The following BPNT1 variants were observed in gnomAD, a reference collection of about 807,000 sequenced individuals.
BPNT1 encodes 3'(2'),5'-bisphosphate nucleotidase 1.
BPNT1 carries 28 observed loss-of-function variants against 36.9 expected under a neutral mutation model. The observed-to-expected ratio is 0.76, with a 90% confidence interval of 0.56 to 1.04. BPNT1 has a LOEUF of 1.04. BPNT1 is among the 50% of genes least tolerant of loss of function. The pLI is 0.00. For synonymous variants in BPNT1, 119 were observed against 130.9 expected (o/e 0.91, Z 0.62); for missense variants, 313 against 372.9 (o/e 0.84, Z 1.32).
At chr1:220,086,332 C>G (rs1224120292) in intron 1 of BPNT1, among the ~76,000 whole-genome samples, 1 of 152,088 alleles carries the variant, frequency 6.6e-6, no homozygotes, top group Non-Finnish European at 1.5e-5. Flanking sequence ...GTGCGGTGGC[C>G]TGATATCGGC....
In BPNT1 at chr1:220,058,532, T is replaced by C. The variant is rs1165071843; in HGVS notation, c.*312A>G. ...GAAACTTTAAGTACTTTTTGGGTTT[T>C]TGTTTTTTTTTTTTCTGAGACAGGG... On this transcript the variant is annotated 3_prime_UTR_variant, in exon 9 of 9. Coordinates refer to ENST00000322067, the MANE Select transcript of BPNT1 (RefSeq NM_006085.6). 1.0e-6 allele frequency: 1 copy of C among 999,686 alleles called. No homozygotes were observed. The highest frequency in any genetic ancestry group is 1.7e-5 in the African/African-American group (1 of 58,214). The allele number at this position is 999,686 out of a possible 1,614,324, so 61.9% of individuals were successfully genotyped here.
At chr1:220,059,554 G>T in intron 8 of BPNT1, 132 bp downstream of exon 8, 1 of 646,836 alleles carries the variant, frequency 1.5e-6, no homozygotes, top group Non-Finnish European at 2.5e-6. Flanking sequence ...GGTTTGGACT[G>T]GATAATCTCT....
At chr1:220,070,809 C>G (rs1356701385) in intron 4 of BPNT1, among the ~76,000 whole-genome samples, 1 of 151,182 alleles carries the variant, frequency 6.6e-6, no homozygotes, top group African/African-American at 2.4e-5. Context: ...TTGAATGGCC[C>G]TGGCACACTT....
rs757240318 is a variant in BPNT1 at position 220,079,819 on chromosome 1, G to C, written c.28C>G (p.Arg10Gly). 6.2e-7 allele frequency: 1 copy of C among 1,613,084 alleles called. No individual in the cohort carries two copies. The highest frequency in any genetic ancestry group is 2.2e-5 in the East Asian group (1 of 44,796). Reference sequence around the variant, plus strand: ...ATAGAATATGCGGAGGCTACCAACCGCATCAACACAGTGTTACTGGAAGCC... The same window carrying C: ...ATAGAATATGCGGAGGCTACCAACCCCATCAACACAGTGTTACTGGAAGCC... MASSNTVLM[R>G]LVASAYSIAQ... is the part of the protein sequence containing the mutation. Residue 10 changes from arginine (R) to glycine (G), a missense_variant, in exon 2 of 9, where the codon CGG becomes GGG. Physicochemically the swap from Arg to Gly is moderately radical, Grantham distance 125. Coordinates refer to ENST00000322067, the MANE Select transcript of BPNT1 (RefSeq NM_006085.6).
intron 6 of BPNT1, chr1:220,066,012 A>C: frequency 7.5e-7 from 1 of 1,330,116 alleles, no homozygotes; most frequent in Middle Eastern, 1.8e-4. Context: ...CTGGGGTACC[A>C]CAAGTTGCCT....
rs1248552343 is a variant in BPNT1, at chr1:220,062,774, C to G, written c.655G>C (p.Gly219Arg). The G allele has an allele frequency of 5.0e-6, 8 of 1,614,058 alleles. No homozygotes were observed. The South Asian group carries it at 8.8e-5, about 18-fold the overall frequency. ...TTTCATACCTTATTTCCTGCTCCTCCTACTCGCAGCACAGCATCGGGGTTC... is the reference window on the plus strand; with the variant it reads ...TTTCATACCTTATTTCCTGCTCCTCGTACTCGCAGCACAGCATCGGGGTTC... ...AMNPDAVLRV[G>R]GAGNKIIQLI... The change falls in exon 7 of 9, where the codon GGA becomes CGA. Residue 219 changes from glycine (G) to arginine (R), a missense_variant. Physicochemically the swap from Gly to Arg is moderately radical, Grantham distance 125. Coordinates refer to ENST00000322067, the MANE Select transcript of BPNT1 (RefSeq NM_006085.6).
chr1:220,063,510 G>A (rs1329655768), intron 6 of BPNT1, among the ~76,000 whole-genome samples: 2 of 152,096 alleles, frequency 1.3e-5, no homozygotes, highest in Admixed American at 1.3e-4. Context: ...TTTATAATGT[G>A]CTGAAACATC....
intron 3 of BPNT1, 118 bp from the exon 4 acceptor site, chr1:220,073,075 AT>A: frequency 2.2e-6 from 2 of 891,064 alleles, no homozygotes; most frequent in South Asian, 1.5e-5. Flanking sequence ...CTGGTTTACC[AT>A]TTATATTTAG....
At chr1:220,082,180 T>TTA (rs3055553) in intron 1 of BPNT1, among the ~76,000 whole-genome samples, 19,964 of 144,206 alleles carry the variant, frequency 0.14, 1,801 homozygotes, top group Admixed American at 0.2. Flanking sequence ...TTTATATTTT[T>TTA]TATATATATA....
chr1:220,071,277 G>C (rs1323825994), intron 4 of BPNT1, among the ~76,000 whole-genome samples: 1 of 151,962 alleles, frequency 6.6e-6, no homozygotes, highest in Non-Finnish European at 1.5e-5. Flanking sequence ...AAGACATTAT[G>C]GTGGCTATCT....
At chr1:220,078,490 TATA>T (rs1276272508) in intron 2 of BPNT1, among the ~76,000 whole-genome samples, 2 of 130,620 alleles carry the variant, frequency 1.5e-5, no homozygotes, top group Non-Finnish European at 3.2e-5. Flanking sequence ...AATAATAATT[TATA>T]ATAAATTTTA....
At chr1:220,078,390 A>C (rs1329675130) in intron 2 of BPNT1, among the ~76,000 whole-genome samples, 2 of 143,176 alleles carry the variant, frequency 1.4e-5, no homozygotes, top group Admixed American at 1.5e-4. Flanking sequence ...TAGAATTATT[A>C]TAATTATATA....
rs572200495 is a variant in BPNT1, at chr1:220,058,054, C to T, written c.*790G>A. The T allele has an allele frequency of 6.4e-5, 38 of 590,156 alleles. No homozygotes were observed. Among genetic ancestry groups the T allele is most frequent in the Non-Finnish European group, 9.1e-5 (38 of 417,860 alleles). The allele number at this position is 590,156 out of a possible 1,614,324, so 36.6% of individuals were successfully genotyped here. A position where few individuals can be genotyped will look rare whatever the true frequency, so the allele number is the denominator to read the frequency against. ...TAGCCAGGCGTGGTGGCGGTGCCTG[C>T]AGTCCCAGCTACTCGGGAGGCTGAG... On this transcript the variant is annotated 3_prime_UTR_variant, in exon 9 of 9. Transcript: ENST00000322067.
In BPNT1 at chr1:220,058,410, C is replaced by T. The variant is rs1662710892; in HGVS notation, c.*434G>A. ...AAATATAATAACTAAATATAAATCA[C>T]TGCTCAACAATGAATAAAGGTGGAA... On this transcript the variant is annotated 3_prime_UTR_variant, in exon 9 of 9. Coordinates refer to ENST00000322067, the MANE Select transcript of BPNT1 (RefSeq NM_006085.6). The T allele has an allele frequency of 1.0e-6, 1 of 962,952 alleles. No individual in the cohort carries two copies. The highest frequency in any genetic ancestry group is 1.2e-6 in the Non-Finnish European group (1 of 808,358). The allele number at this position is 962,952 out of a possible 1,614,324, so 59.7% of individuals were successfully genotyped here. A position where few individuals can be genotyped will look rare whatever the true frequency, so the allele number is the denominator to read the frequency against.
At chr1:220,087,880 T>C (rs1655888281) in intron 1 of BPNT1, among the ~76,000 whole-genome samples, 1 of 152,012 alleles carries the variant, frequency 6.6e-6, no homozygotes, top group Admixed American at 6.5e-5. Context: ...AATTAATTAA[T>C]TTATTTATTT....
chr1:220,058,679 A>C lies in BPNT1; in HGVS notation c.*165T>G, dbSNP rs1270258011. On this transcript the variant is annotated 3_prime_UTR_variant, in exon 9 of 9. Coordinates refer to ENST00000322067, the MANE Select transcript of BPNT1 (RefSeq NM_006085.6). ...CTCAAGTAGCTGGGATGACAGGCGCATGACAGGATGCCCAGTTAATTTGTA... is the reference window on the plus strand; with the variant it reads ...CTCAAGTAGCTGGGATGACAGGCGCCTGACAGGATGCCCAGTTAATTTGTA... 2 of 773,994 alleles carry C rather than the reference A, an allele frequency of 2.6e-6. No individual in the cohort carries two copies. The highest frequency in any genetic ancestry group is 3.0e-5 in the Admixed American group (1 of 33,166). The allele number at this position is 773,994 out of a possible 1,614,324, so 47.9% of individuals were successfully genotyped here. A position where few individuals can be genotyped will look rare whatever the true frequency, so the allele number is the denominator to read the frequency against.
intron 1 of BPNT1, among the ~76,000 whole-genome samples, chr1:220,086,004 A>T (rs564942847): frequency 3.6e-3 from 552 of 152,336 alleles, no homozygotes; most frequent in Non-Finnish European, 6.5e-3. Context: ...GCCTGATGAT[A>T]ATGTTCAAGG....
In BPNT1 at chr1:220,072,240, G is replaced by A. The variant is rs540399161; in HGVS notation, c.333+610C>T. Among the ~76,000 whole-genome samples, 261 of 151,872 alleles carry A rather than the reference G, an allele frequency of 1.7e-3. 4 individuals carry two copies. Among genetic ancestry groups the A allele is most frequent in the Non-Finnish European group, 5.3e-4 (36 of 67,964 alleles). On this transcript the variant is annotated intron_variant, in intron 4 of 8. Coordinates refer to ENST00000322067, the MANE Select transcript of BPNT1 (RefSeq NM_006085.6). ...TAGCTGGGCATGGTGGTGCGCGCCT[G>A]TAGTCCTAGCTACTTGGGAGGCTGA...
At chr1:220,083,494 T>A (rs1313979680) in intron 1 of BPNT1, among the ~76,000 whole-genome samples, 1 of 151,146 alleles carries the variant, frequency 6.6e-6, no homozygotes, top group East Asian at 2.0e-4. Flanking sequence ...TTTTGTAGTT[T>A]TAGTACAGAT....
Sources: gnomAD v4.1 joint callset for allele counts (sites outside exome capture counted in the v4.1 genomes callset) on GRCh38, gnomAD v4.1.1 for gene constraint, MANE v1.5 for transcripts, NCBI Gene and HGNC (gene_info 2026-07-23, HGNC 2026-07-21) for gene names.